Variants in RBBP6 observed in about 807,000 individuals in gnomAD.
RBBP6 encodes E3 ubiquitin-protein ligase RBBP6.
A neutral mutation model predicts 167.7 loss-of-function variants in RBBP6; 25 were observed. The observed-to-expected ratio is 0.15, with a 90% CI of 0.11 to 0.21. The LOEUF (loss-of-function observed/expected upper bound fraction) is 0.21, where lower values mean the gene tolerates loss of function less well. RBBP6 is among the 10% of genes least tolerant of loss of function. RBBP6 has a pLI of 1.00. For missense variants in RBBP6, 1,868 were observed against 2,134.2 expected (o/e 0.88, Z 2.46); for synonymous variants, 789 against 735.8 (o/e 1.07, Z -1.17).
intron 3 of RBBP6, chr16:24,549,343 T>C: frequency 9.3e-7 from 1 of 1,072,006 alleles, no homozygotes; most frequent in Non-Finnish European, 1.1e-6. Flanking sequence ...GTATTTTGTA[T>C]GTATGTACAG....
At chr16:24,559,214 C>T (rs1348936474) in intron 7 of RBBP6, among the ~76,000 whole-genome samples, 2 of 152,074 alleles carry the variant, frequency 1.3e-5, no homozygotes, top group Admixed American at 6.5e-5. Context: ...TGGCACAGAA[C>T]ATTTCGCTTT....
chr16:24,544,365 G>A (rs766614767), intron 1 of RBBP6, among the ~76,000 whole-genome samples: 9 of 152,124 alleles, frequency 5.9e-5, no homozygotes, highest in Non-Finnish European at 8.8e-5. Flanking sequence ...CTAGGAAATT[G>A]CCTACCTCTA....
intron 3 of RBBP6, among the ~76,000 whole-genome samples, chr16:24,551,297 C>CA (rs1375963245): frequency 6.6e-6 from 1 of 151,812 alleles, no homozygotes; most frequent in Non-Finnish European, 1.5e-5. Flanking sequence ...CTTTAAGTGG[C>CA]AGACTTTTTT....
At chr16:24,556,276 TTCC>T (rs1180683597) in intron 6 of RBBP6, 29 bp from the exon 7 acceptor site, 2 of 1,500,252 alleles carry the variant, frequency 1.3e-6, no homozygotes, top group Non-Finnish European at 1.8e-6. Context: ...GCTTTTTCTC[TTCC>T]TCCTCCTCTT....
intron 3 of RBBP6, chr16:24,549,254 T>C: frequency 7.8e-7 from 1 of 1,276,290 alleles, no homozygotes; most frequent in East Asian, 3.0e-5. Context: ...GTACAGTTAA[T>C]GTATGATCCT....
In RBBP6 at chr16:24,542,490, A is replaced by G. The variant is rs535029247; in HGVS notation, c.166+1698A>G. Among the ~76,000 whole-genome samples the G allele has an allele frequency of 7.5e-5, 11 of 147,438 alleles. No individual in the cohort carries two copies. In the South Asian group the frequency reaches 1.9e-3, roughly 26 times the overall value. ...TTTTTTTCCCCTGAAACAGAGTCTC[A>G]CTCTGTCACCCAGGCTGGAGTGCAG... On this transcript the variant is annotated intron_variant, in intron 1 of 17. Transcript: ENST00000319715.
intron 8 of RBBP6, 144 bp downstream of exon 8, chr16:24,559,821 A>C (rs921359507): frequency 1.5e-6 from 1 of 661,748 alleles, no homozygotes; most frequent in African/African-American, 1.9e-5. Flanking sequence ...AGTAGTGAGA[A>C]GTCTGTTTTT....
In RBBP6 at chr16:24,571,430, A is replaced by C. The variant is rs1183710990; in HGVS notation, c.4364A>C (p.Lys1455Thr). ...TCCAAAGAGGCTAGAACGTCAGATAAACATGATTCCACTCGTGCTTCCTCA... is the reference window on the plus strand; with the variant it reads ...TCCAAAGAGGCTAGAACGTCAGATACACATGATTCCACTCGTGCTTCCTCA... ...QSSKEARTSD[K>T]HDSTRASSNK... Residue 1455 changes from lysine (K) to threonine (T), a missense_variant, in exon 18 of 18, where the codon AAA (lysine) becomes ACA (threonine). Physicochemically the swap from Lys to Thr is moderately conservative, Grantham distance 78. Around this residue, in one of 7 missense-constraint regions of RBBP6, gnomAD observed 591 missense variants for 540.5 expected, o/e 1.09. Transcript: ENST00000319715. The C allele has an allele frequency of 6.2e-7, 1 of 1,613,454 alleles. No individual in the cohort carries two copies. Among genetic ancestry groups the C allele is most frequent in the South Asian group, 1.1e-5 (1 of 90,896 alleles).
rs1898436527 is a variant in RBBP6, at chr16:24,539,838, C to T, written c.-789C>T. 1 of 152,288 alleles carries T rather than the reference C, an allele frequency of 6.6e-6. No homozygotes were observed. The allele number at this position is 152,288 out of a possible 1,614,324, so 9.4% of individuals were successfully genotyped here. On this transcript the variant is annotated 5_prime_UTR_variant, in exon 1 of 18. Transcript: ENST00000319715. Reference sequence around the variant, plus strand: ...TGTCCCCGGGGTCCGCCGAAGCCACCCGGCCGCCGGCTGGGGCCCGGGGTG... The same window carrying T: ...TGTCCCCGGGGTCCGCCGAAGCCACTCGGCCGCCGGCTGGGGCCCGGGGTG...
At chr16:24,542,924 A>T (rs1338438914) in intron 1 of RBBP6, among the ~76,000 whole-genome samples, 2 of 152,102 alleles carry the variant, frequency 1.3e-5, no homozygotes, top group Non-Finnish European at 2.9e-5. Context: ...TTTTATATTT[A>T]TGTGAACTGC....
chr16:24,541,233 A>G (rs1016206804), intron 1 of RBBP6, among the ~76,000 whole-genome samples: 1 of 150,412 alleles, frequency 6.6e-6, no homozygotes, highest in African/African-American at 2.4e-5. Flanking sequence ...ACCTAACAAC[A>G]TTGTGGAGTT....
chr16:24,561,790 C>G, intron 9 of RBBP6, 34 bp from the exon 10 acceptor site: 1 of 1,603,232 alleles, frequency 6.2e-7, no homozygotes, highest in Non-Finnish European at 8.5e-7. Flanking sequence ...TACTGCATAA[C>G]ATTTTTCTGC....
Position 24,572,736 on chromosome 16 carries a change from A to G in RBBP6, c.*291A>G. The stretch of plus-strand genomic sequence containing the variant: ...CTGTAATGTGAAATTTTCACATTTG[A>G]ATTTTTTAATTGCCTGGCAAAAGCT... On this transcript the variant is annotated 3_prime_UTR_variant, in exon 18 of 18. Transcript: ENST00000319715. 1 of 253,478 alleles carries G rather than the reference A, an allele frequency of 3.9e-6. No individual in the cohort carries two copies. The highest frequency in any genetic ancestry group is 7.4e-5 in the East Asian group (1 of 13,474). The allele number at this position is 253,478 out of a possible 1,614,324, so 15.7% of individuals were successfully genotyped here.
In RBBP6 at chr16:24,561,909, C is replaced by T. The variant is rs1308093607; in HGVS notation, c.1037C>T (p.Pro346Leu). ...LPPPPPPIPPPRPLIQRNLQP... is the reference protein window; with the variant it reads ...LPPPPPPIPPLRPLIQRNLQP... ...CCTCCACCACCCCCAATACCACCTC[C>T]GAGACCACTGATTCAGAGGAACCTA... The change falls in exon 10 of 18, where the codon CCG becomes CTG. Residue 346 changes from proline (P) to leucine (L), a missense_variant. This residue lies in a region of RBBP6 where 245 missense variants were observed against 240.1 expected (regional missense o/e 1.02). Transcript: ENST00000319715. The T allele has an allele frequency of 1.9e-5, 30 of 1,613,842 alleles. No homozygotes were observed. Among genetic ancestry groups the T allele is most frequent in the African/African-American group, 4.0e-5 (3 of 74,896 alleles).
rs769291355 is a variant in RBBP6 at position 24,571,211 on chromosome 16, A to G, written c.4145A>G (p.His1382Arg). 2.1e-5 allele frequency: 34 copies of G among 1,613,892 alleles called. No homozygotes were observed. Among genetic ancestry groups the G allele is most frequent in the Non-Finnish European group, 2.9e-5 (34 of 1,179,934 alleles). ...CAGAAATTCACCAAGGACGTGAGCC[A>G]TGAAATCATACAACATGAGGTTAAA... ...KIQKFTKDVS[H>R]EIIQHEVKSS... The change falls in exon 18 of 18, where the codon CAT (histidine) becomes CGT (arginine). Residue 1382 changes from histidine to arginine, a missense_variant. By Grantham distance (29) the His-to-Arg change is conservative. This residue lies in a region of RBBP6 where 591 missense variants were observed against 540.5 expected (regional missense o/e 1.09). Transcript: ENST00000319715.
chr16:24,570,516 G>A lies in RBBP6; in HGVS notation c.3809+17G>A, dbSNP rs377006127. 12 of 1,539,938 alleles carry A rather than the reference G, an allele frequency of 7.8e-6. No homozygotes were observed. Among genetic ancestry groups the A allele is most frequent in the Middle Eastern group, 1.8e-4 (1 of 5,710 alleles). Reference sequence around the variant, plus strand: ...TTACACCAGGTAGCTGAGTGTAGGGGGTGGGTGTGGAACTTTGTTGGGAGA... The same window carrying A: ...TTACACCAGGTAGCTGAGTGTAGGGAGTGGGTGTGGAACTTTGTTGGGAGA... On this transcript the variant is annotated intron_variant, in intron 17 of 17. Coordinates refer to ENST00000319715, the MANE Select transcript of RBBP6 (RefSeq NM_006910.5).
intron 1 of RBBP6, among the ~76,000 whole-genome samples, chr16:24,545,320 C>T (rs9937315): frequency 6.6e-6 from 1 of 152,090 alleles, no homozygotes; most frequent in Non-Finnish European, 1.5e-5. Flanking sequence ...GATCCGCCCC[C>T]CTCAGCCTCC....
chr16:24,570,503 G>T lies in RBBP6; in HGVS notation c.3809+4G>T, dbSNP rs1482188506. On this transcript the variant is annotated splice_donor_region_variant and intron_variant, in intron 17 of 17. Coordinates refer to ENST00000319715, the MANE Select transcript of RBBP6 (RefSeq NM_006910.5). ...CAACTCTGGTGGATTACACCAGGTA[G>T]CTGAGTGTAGGGGGTGGGTGTGGAA... 6.4e-7 allele frequency: 1 copy of T among 1,565,060 alleles called. No homozygotes were observed. The highest frequency in any genetic ancestry group is 2.1e-5 in the Admixed American group (1 of 48,604).
rs535785282 is a variant in RBBP6 at position 24,572,084 on chromosome 16, C to T, written c.5018C>T (p.Ala1673Val). 48 of 1,614,018 alleles carry T rather than the reference C, an allele frequency of 3.0e-5. No individual in the cohort carries two copies. The South Asian group carries it at 3.1e-4, about 10-fold the overall frequency. Residue 1673 changes from alanine to valine, a missense_variant, in exon 18 of 18, where the codon GCA becomes GTA. Coordinates refer to ENST00000319715, the MANE Select transcript of RBBP6 (RefSeq NM_006910.5). Reference protein sequence around the residue: ...KDLKDKIVEKAKESLDTAAVV... With the variant: ...KDLKDKIVEKVKESLDTAAVV... ...CTGAAAGATAAAATAGTGGAGAAAG[C>T]AAAAGAGAGCCTGGACACAGCAGCA...
Sources: allele counts gnomAD v4.1 joint callset (sites outside exome capture counted in the v4.1 genomes callset), GRCh38; gene constraint gnomAD v4.1.1; regional missense constraint gnomAD v4.1.1; transcripts MANE v1.5; gene names NCBI Gene and HGNC (gene_info 2026-07-23, HGNC 2026-07-21).